The following NBR1 variants were observed in gnomAD, a reference collection of about 807,000 sequenced individuals.
NBR1 encodes next to BRCA1 gene 1 protein.
Under a neutral mutation model 115.5 loss-of-function variants are expected in NBR1, and 59 were observed. The ratio of observed to expected loss-of-function variants is 0.51; its 90% CI spans 0.41 to 0.63. The LOEUF (loss-of-function observed/expected upper bound fraction) is 0.63. Among genes scored for constraint, NBR1 ranks in the 30% least tolerant of loss-of-function variants. The probability of loss-of-function intolerance (pLI) is 0.00; values close to 1 mark genes in which losing one functional copy is unlikely to be tolerated. For missense variants in NBR1, 1,043 were observed against 1,150.5 expected (o/e 0.91, Z 1.35); for synonymous variants, 373 against 414.7 (o/e 0.90, Z 1.22).
At chr17:43,201,431 GTTTA>G (rs2057195375) in intron 17 of NBR1, among the ~76,000 whole-genome samples, 1 of 152,302 alleles carries the variant, frequency 6.6e-6, no homozygotes, top group South Asian at 2.1e-4. Flanking sequence ...AGACATTTCC[GTTTA>G]TTGACACCAC....
chr17:43,202,097 A>G (rs755378760), intron 18 of NBR1, among the ~76,000 whole-genome samples: 1 of 149,378 alleles, frequency 6.7e-6, no homozygotes, highest in Non-Finnish European at 1.5e-5. Context: ...GGAGAATCAC[A>G]TGAACCTGGG....
At chr17:43,188,786 A>C (rs1258250942) in intron 6 of NBR1, among the ~76,000 whole-genome samples, 1 of 151,956 alleles carries the variant, frequency 6.6e-6, no homozygotes, top group Admixed American at 6.6e-5. Context: ...TTGTTGTAAG[A>C]TTTGCACATT....
At chr17:43,187,138 A>G (rs1380396534) in intron 6 of NBR1, among the ~76,000 whole-genome samples, 2 of 152,160 alleles carry the variant, frequency 1.3e-5, no homozygotes, top group Non-Finnish European at 2.9e-5. Flanking sequence ...TCCCACCAAC[A>G]GTGTAAAAGC....
Position 43,209,619 on chromosome 17 carries a change from G to A in NBR1, c.2728-282G>A, listed in dbSNP as rs1277626771. ...AAAAATGCTTCTTCCTGAAAGCCCC[G>A]AGTGAAGCATTCTCCTGGTTCTAAG... is the stretch of plus-strand genomic sequence containing the variant. On this transcript the variant is annotated intron_variant, in intron 20 of 20. Coordinates refer to ENST00000590996, the MANE Select transcript of NBR1 (RefSeq NM_005899.5). 6.5e-6 allele frequency: 10 copies of A among 1,535,332 alleles called. No homozygotes were observed. The East Asian group carries it at 7.3e-5, about 11-fold the overall frequency.
At chr17:43,171,918 C>G (rs970454176) in intron 1 of NBR1, among the ~76,000 whole-genome samples, 1 of 152,152 alleles carries the variant, frequency 6.6e-6, no homozygotes, top group African/African-American at 2.4e-5. Flanking sequence ...GCTGGGATTA[C>G]AGGTATAAGC....
intron 20 of NBR1, among the ~76,000 whole-genome samples, chr17:43,205,750 C>T (rs1268142126): frequency 4.0e-5 from 6 of 151,814 alleles, no homozygotes; most frequent in Non-Finnish European, 8.8e-5. Flanking sequence ...TGGTGGTATA[C>T]GCCTGTGGTC....
At chr17:43,189,927 G>A in intron 8 of NBR1, 125 bp downstream of exon 8, 1 of 791,808 alleles carries the variant, frequency 1.3e-6, no homozygotes. Context: ...TTGTAGCTGT[G>A]AGTTGGAAGC....
chr17:43,171,024 C>G (rs868639010), upstream of NBR1: 1 of 152,318 alleles, frequency 6.6e-6, no homozygotes, highest in Admixed American at 6.5e-5. Context: ...TCTGCGCACT[C>G]CTAGTTCCGC....
In NBR1 at chr17:43,189,744, T is replaced by G; in HGVS notation, c.637T>G (p.Trp213Gly). The G allele has an allele frequency of 6.2e-7, 1 of 1,614,032 alleles. No individual in the cohort carries two copies. Among genetic ancestry groups the G allele is most frequent in the Non-Finnish European group, 8.5e-7 (1 of 1,179,906 alleles). Residue 213 changes from tryptophan (W) to glycine (G), a missense_variant, in exon 8 of 21, where the codon TGG becomes GGG. Trp to Gly is a radical substitution (Grantham distance 184). Transcript: ENST00000590996. ...TLFLPENQFS[W>G]HIACNNCQRR... ...GTTTTTGCCAGAAAACCAGTTCAGC[T>G]GGCATATTGCTTGCAACAACTGCCA...
In NBR1 at chr17:43,193,256, A is replaced by G. The variant is rs764131391; in HGVS notation, c.1233+3A>G. The G allele has an allele frequency of 1.9e-6, 3 of 1,613,740 alleles. No homozygotes were observed. Among genetic ancestry groups the G allele is most frequent in the Non-Finnish European group, 1.7e-6 (2 of 1,179,800 alleles). On this transcript the variant is annotated splice_donor_region_variant and intron_variant, in intron 11 of 20. Coordinates refer to ENST00000590996, the MANE Select transcript of NBR1 (RefSeq NM_005899.5). ...TAAAGTGGAGTGCAGACACAAAGGT[A>G]ATTTTTCCCACAAAATGCAAAGATG...
intron 1 of NBR1, among the ~76,000 whole-genome samples, chr17:43,172,681 A>C (rs1328865490): frequency 6.6e-6 from 1 of 152,190 alleles, no homozygotes; most frequent in African/African-American, 2.4e-5. Context: ...GGTAGAAACA[A>C]AGAATGGAGA....
Position 43,186,396 on chromosome 17 carries a change from G to C in NBR1, c.354G>C (p.Val118=). 6.2e-7 allele frequency: 1 copy of C among 1,600,774 alleles called. No homozygotes were observed. Among genetic ancestry groups the C allele is most frequent in the Non-Finnish European group, 8.5e-7 (1 of 1,174,556 alleles). The change falls in exon 6 of 21, where the codon GTG becomes GTC. Residue 118 remains valine, a synonymous_variant. Coordinates refer to ENST00000590996, the MANE Select transcript of NBR1 (RefSeq NM_005899.5). ...CACTTGCACATTACTCTTCACTGGT[G>C]AGAGTCTTGGGATCAGACATGAAGA... The part of the protein sequence containing the change: ...KKPLAHYSSL[V]RVLGSDMKTP...
At chr17:43,188,562 A>C (rs1349353949) in intron 6 of NBR1, among the ~76,000 whole-genome samples, 1 of 152,110 alleles carries the variant, frequency 6.6e-6, no homozygotes, top group Admixed American at 6.6e-5. Flanking sequence ...GGTATTGCCT[A>C]GGTTTTCTTC....
In NBR1 at chr17:43,194,335, G is replaced by A. The variant is rs755186080; in HGVS notation, c.1525-15G>A. On this transcript the variant is annotated splice_polypyrimidine_tract_variant and intron_variant, in intron 12 of 20. Coordinates refer to ENST00000590996, the MANE Select transcript of NBR1 (RefSeq NM_005899.5). ...TTGAAGGCCTAAAATTTGTCTCAAT[G>A]GTTTGTCTCTATAGGAAACTTTTCT... The A allele has an allele frequency of 6.9e-6, 11 of 1,602,932 alleles. No individual in the cohort carries two copies. The South Asian group carries it at 1.2e-4, about 18-fold the overall frequency.
intron 1 of NBR1, 88 bp from the exon 2 acceptor site, chr17:43,175,703 A>G: frequency 1.6e-6 from 1 of 626,784 alleles, no homozygotes; most frequent in Non-Finnish European, 2.8e-6. Flanking sequence ...GGTCCTCACA[A>G]GTATTTGCTG....
intron 20 of NBR1, among the ~76,000 whole-genome samples, chr17:43,208,728 G>T (rs765153539): frequency 2.0e-5 from 3 of 152,188 alleles, no homozygotes; most frequent in Non-Finnish European, 4.4e-5. Flanking sequence ...CATTTTGGGA[G>T]ACCAAAGTTC....
chr17:43,192,469 C>T (rs574302339), intron 10 of NBR1, among the ~76,000 whole-genome samples: 17 of 151,376 alleles, frequency 1.1e-4, no homozygotes, highest in Admixed American at 2.0e-4. Context: ...CCTGGGTTCA[C>T]GCCATTCTCC....
At position 43,189,713 on chromosome 17, in the gene NBR1, A is replaced by G. The variant is rs1204813000; in HGVS notation, c.606A>G (p.Glu202=). 2 of 1,613,904 alleles carry G rather than the reference A, an allele frequency of 1.2e-6. No homozygotes were observed. Among genetic ancestry groups the G allele is most frequent in the African/African-American group, 1.3e-5 (1 of 74,932 alleles). ...AAGTCTCAATGCCTACTTCAGAAGA[A>G]ACATTGTTTTTGCCAGAAAACCAGT... The part of the protein sequence containing the change: ...PSEVSMPTSE[E]TLFLPENQFS... Residue 202 remains glutamate, a synonymous_variant, in exon 8 of 21, where the codon GAA becomes GAG. Transcript: ENST00000590996.
Position 43,203,792 on chromosome 17 carries a change from T to C in NBR1, c.2727+6T>C. ...GGCCACCAGTCACTGCACAGGTCAG[T>C]GTGTGTGTTTTATTTTCCTGAATCT... On this transcript the variant is annotated splice_donor_region_variant and intron_variant, in intron 20 of 20. Coordinates refer to ENST00000590996, the MANE Select transcript of NBR1 (RefSeq NM_005899.5). The C allele has an allele frequency of 6.5e-7, 1 of 1,541,024 alleles. No homozygotes were observed. The highest frequency in any genetic ancestry group is 1.4e-5 in the African/African-American group (1 of 73,562).
Sources: allele counts gnomAD v4.1 joint callset (sites outside exome capture counted in the v4.1 genomes callset), GRCh38; gene constraint gnomAD v4.1.1; transcripts MANE v1.5; gene names NCBI Gene and HGNC (gene_info 2026-07-23, HGNC 2026-07-21).